Variants in CTIF observed in about 807,000 individuals in gnomAD.
CTIF encodes the protein CBP80/20-dependent translation initiation factor.
Under a neutral mutation model 66.0 loss-of-function variants are expected in CTIF, and 21 were observed. The observed-to-expected ratio is 0.32, with a 90% CI of 0.23 to 0.46. The LOEUF (loss-of-function observed/expected upper bound fraction) is 0.46, where lower values mean the gene tolerates loss of function less well. Ranked by LOEUF, CTIF falls within the 20% of genes least tolerant of loss-of-function variation. The probability of loss-of-function intolerance (pLI) is 1.00; values close to 1 mark genes in which losing one functional copy is unlikely to be tolerated. For synonymous variants in CTIF, 345 were observed against 326.4 expected, an observed-to-expected ratio of 1.06 and a Z score of -0.62; for missense variants, 739 against 812.7, an observed-to-expected ratio of 0.91 and a Z score of 1.10.
chr18:48,766,456 T>C (rs933565067), intron 9 of CTIF, among the ~76,000 whole-genome samples: 2 of 152,192 alleles, frequency 1.3e-5, no homozygotes, highest in African/African-American at 4.8e-5. Flanking sequence ...TTTCAGATAC[T>C]GGCTCTTCTT....
chr18:48,652,616 T>G (rs1320473221), intron 3 of CTIF, among the ~76,000 whole-genome samples: 1 of 152,080 alleles, frequency 6.6e-6, no homozygotes, highest in Non-Finnish European at 1.5e-5. Flanking sequence ...GGGAATCCTC[T>G]CTAACTCATT....
intron 10 of CTIF, among the ~76,000 whole-genome samples, chr18:48,839,606 A>G (rs2068892231): frequency 6.6e-6 from 1 of 152,212 alleles, no homozygotes; most frequent in Admixed American, 6.5e-5. Flanking sequence ...ATTGCACAAC[A>G]TGACTGGTGG....
intron 9 of CTIF, among the ~76,000 whole-genome samples, chr18:48,805,621 A>G (rs1380973185): frequency 6.6e-6 from 1 of 152,258 alleles, no homozygotes; most frequent in Admixed American, 6.5e-5. Flanking sequence ...TAAGCCAAGA[A>G]ACATCACTGT....
chr18:48,706,857 G>A (rs533808914), intron 6 of CTIF, among the ~76,000 whole-genome samples: 4 of 152,322 alleles, frequency 2.6e-5, no homozygotes, highest in Admixed American at 1.3e-4. Flanking sequence ...CCCTGGAGAG[G>A]CTTGGTTTAT....
intron 1 of CTIF, among the ~76,000 whole-genome samples, chr18:48,584,551 T>G (rs1170967117): frequency 6.6e-6 from 1 of 152,114 alleles, no homozygotes; most frequent in Non-Finnish European, 1.5e-5. Context: ...TTTCATAAGC[T>G]CTCCAGTTGC....
At chr18:48,632,435 G>A (rs2090736244) in intron 2 of CTIF, among the ~76,000 whole-genome samples, 1 of 152,140 alleles carries the variant, frequency 6.6e-6, no homozygotes, top group African/African-American at 2.4e-5. Context: ...TGGCTTTCTT[G>A]TGCACAGATC....
intron 6 of CTIF, among the ~76,000 whole-genome samples, chr18:48,686,890 C>T (rs2091849443): frequency 6.6e-6 from 1 of 152,178 alleles, no homozygotes; most frequent in African/African-American, 2.4e-5. Context: ...TTGCCCACTC[C>T]TCCTTCGTTT....
chr18:48,629,301 T>C (rs1054400132), intron 2 of CTIF, among the ~76,000 whole-genome samples: 2 of 152,246 alleles, frequency 1.3e-5, no homozygotes, highest in Non-Finnish European at 2.9e-5. Flanking sequence ...AAAATAACTA[T>C]GCATTTTGAA....
At chr18:48,665,952 A>G (rs2091428795) in intron 5 of CTIF, among the ~76,000 whole-genome samples, 2 of 152,084 alleles carry the variant, frequency 1.3e-5, no homozygotes, top group Non-Finnish European at 1.5e-5. Context: ...CCTTGCTTGT[A>G]ATTACTTGGG....
intron 3 of CTIF, 88 bp from the exon 4 acceptor site, chr18:48,663,664 G>T: frequency 8.1e-7 from 1 of 1,236,040 alleles, no homozygotes; most frequent in South Asian, 1.2e-5. Flanking sequence ...GCTCACTCCA[G>T]CCCCCCAGCC....
At chr18:48,716,499 G>C (rs1230422551) in intron 7 of CTIF, among the ~76,000 whole-genome samples, 1 of 152,074 alleles carries the variant, frequency 6.6e-6, no homozygotes, top group Non-Finnish European at 1.5e-5. Context: ...CTGTGGCTTG[G>C]TGTCCTCTAA....
chr18:48,859,243 A>T, intron 11 of CTIF, 101 bp from the exon 12 acceptor site: 1 of 1,011,482 alleles, frequency 9.9e-7, no homozygotes, highest in Non-Finnish European at 1.6e-6. Context: ...GTGTGTCCTT[A>T]AGACAACCCA....
chr18:48,758,231 C>T lies in CTIF; in HGVS notation c.897C>T (p.Ser299=), dbSNP rs755079998. The part of the protein sequence containing the change: ...TGHSSLEAPR[S]PDTLAPVASE... ...ACAGCAGCCTTGAGGCCCCCCGCAG[C>T]CCTGACACCCTGGCCCCGGTGGCTT... The change falls in exon 8 of 12, where the codon AGC becomes AGT. Residue 299 remains serine (S), a synonymous_variant. Coordinates refer to ENST00000256413, the MANE Select transcript of CTIF (RefSeq NM_014772.3). 46 of 1,613,212 alleles carry T rather than the reference C, an allele frequency of 2.9e-5. No individual in the cohort carries two copies. The highest frequency in any genetic ancestry group is 3.7e-5 in the Non-Finnish European group (44 of 1,179,724).
chr18:48,603,508 T>TGGATGGAC (rs2090142281), intron 1 of CTIF, among the ~76,000 whole-genome samples: 14 of 146,758 alleles, frequency 9.5e-5, no homozygotes, highest in Non-Finnish European at 2.0e-4. Context: ...GGTGGATGGA[T>TGGATGGAC]GGATGGATGG....
chr18:48,734,659 A>G (rs2092484319), intron 7 of CTIF, among the ~76,000 whole-genome samples: 1 of 152,198 alleles, frequency 6.6e-6, no homozygotes, highest in African/African-American at 2.4e-5. Context: ...TGGGAGAGAA[A>G]GGGAAGACTT....
intron 5 of CTIF, 30 bp from the exon 6 acceptor site, chr18:48,670,639 T>C: frequency 6.2e-7 from 1 of 1,604,004 alleles, no homozygotes; most frequent in Non-Finnish European, 8.5e-7. Flanking sequence ...GAGCCATCTT[T>C]CCAATGCCTT....
chr18:48,800,351 A>G (rs1237810667), intron 9 of CTIF, among the ~76,000 whole-genome samples: 1 of 152,230 alleles, frequency 6.6e-6, no homozygotes, highest in African/African-American at 2.4e-5. Context: ...TAAGATACCC[A>G]AGAGGCTTAC....
intron 7 of CTIF, among the ~76,000 whole-genome samples, chr18:48,743,018 A>AT (rs1272425899): frequency 6.6e-6 from 1 of 152,196 alleles, no homozygotes; most frequent in Non-Finnish European, 1.5e-5. Flanking sequence ...CAAATATTTA[A>AT]TTTTTTACCC....
intron 10 of CTIF, among the ~76,000 whole-genome samples, chr18:48,856,700 C>T (rs561639538): frequency 2.0e-5 from 3 of 152,296 alleles, no homozygotes; most frequent in South Asian, 4.1e-4. Context: ...ATGTCCAGCA[C>T]GGGCAACTCC....
Sources: gnomAD v4.1 joint callset for allele counts (sites outside exome capture counted in the v4.1 genomes callset) on GRCh38, gnomAD v4.1.1 for gene constraint, MANE v1.5 for transcripts, NCBI Gene and HGNC (gene_info 2026-07-23, HGNC 2026-07-21) for gene names.